NAV3: variants seen among roughly 807,000 people sequenced by gnomAD.
NAV3 encodes pore membrane and/or filament interacting like protein 1.
Under a neutral mutation model 244.7 loss-of-function variants are expected in NAV3, and 87 were observed. That is an observed-to-expected ratio of 0.36 (90% CI 0.30 to 0.42). NAV3 has a LOEUF of 0.42. Ranked by LOEUF, NAV3 falls within the 20% of genes least tolerant of loss-of-function variation. The pLI, the probability that NAV3 is intolerant of heterozygous loss-of-function variation, is 1.00. For synonymous variants in NAV3, 1,126 were observed against 1,042.2 expected (o/e 1.08, Z -1.55); for missense variants, 2,663 against 2,893.3 (o/e 0.92, Z 1.83).
At chr12:77,943,093 A>G (rs1361389787) in intron 3 of NAV3, among the ~76,000 whole-genome samples, 1 of 152,202 alleles carries the variant, frequency 6.6e-6, no homozygotes, top group Non-Finnish European at 1.5e-5. Context: ...TCCAAAGCTC[A>G]TAACAATGGT....
At chr12:78,052,946 C>A (rs1021664606) in intron 11 of NAV3, among the ~76,000 whole-genome samples, 1 of 151,918 alleles carries the variant, frequency 6.6e-6, no homozygotes. Context: ...AGGCTGGGCA[C>A]GGTGGCTCAT....
rs562996443 is a variant in NAV3 at position 77,755,786 on chromosome 12, T to G, written c.72+183520T>G. Among the ~76,000 whole-genome samples the G allele has an allele frequency of 3.3e-5, 5 of 151,396 alleles. No homozygotes were observed. In the East Asian group the frequency reaches 7.8e-4, roughly 23 times the overall value. On this transcript the variant is annotated intron_variant, in intron 2 of 8. Transcript: ENST00000550042. ...TCTTGCCTTGTCACTCAGGGTGGAG[T>G]GCAGTGGCGTGAACACAGCTCACTG...
chr12:77,787,557 C>T (rs572805838), intron 2 of NAV3, among the ~76,000 whole-genome samples: 4 of 152,068 alleles, frequency 2.6e-5, no homozygotes, highest in Admixed American at 1.3e-4. Flanking sequence ...CTTAGAAAAC[C>T]GTCAGATTTC....
intron 18 of NAV3, among the ~76,000 whole-genome samples, chr12:78,135,093 C>T (rs1469510637): frequency 2.0e-5 from 3 of 152,162 alleles, no homozygotes; most frequent in Non-Finnish European, 2.9e-5. Flanking sequence ...AGCAAAACTA[C>T]CACTAGAAGC....
chr12:78,119,425 G>A lies in NAV3; in HGVS notation c.3229G>A (p.Ala1077Thr), dbSNP rs764919029. 6.2e-7 allele frequency: 1 copy of A among 1,614,202 alleles called. No homozygotes were observed. The highest frequency in any genetic ancestry group is 1.1e-5 in the South Asian group (1 of 91,088). Residue 1077 changes from alanine to threonine, a missense_variant, in exon 15 of 40, where the codon GCC becomes ACC. By Grantham distance (58) the Ala-to-Thr change is moderately conservative. Coordinates refer to ENST00000397909, the MANE Select transcript of NAV3 (RefSeq NM_001024383.2). ...GAAACCAAGTGGAGTAGGGTCATCT[G>A]CCATGATCACCAGCAGTGGAGCAAC... ...FKKPSGVGSS[A>T]MITSSGATIT...
chr12:77,932,050 A>G (rs939166886), intron 1 of NAV3, among the ~76,000 whole-genome samples: 2 of 152,030 alleles, frequency 1.3e-5, no homozygotes, highest in African/African-American at 4.8e-5. Flanking sequence ...AGGGATGATC[A>G]TTGTTGTCAA....
rs118185619 is a variant in NAV3, at chr12:77,666,788, A to G, written c.72+94522A>G. The stretch of plus-strand genomic sequence containing the variant: ...AAGTTTTTCTTTTAAGGTTGATTTG[A>G]TTAATCATACTTCTATTGAGTATTT... On this transcript the variant is annotated intron_variant, in intron 2 of 8. Transcript: ENST00000550042. 5.3e-3 allele frequency among the ~76,000 whole-genome samples: 810 copies of G among 152,302 alleles called. 3 individuals carry two copies. Among genetic ancestry groups the G allele is most frequent in the Non-Finnish European group, 8.6e-3 (582 of 67,998 alleles).
intron 2 of NAV3, among the ~76,000 whole-genome samples, chr12:77,769,429 G>A (rs936913991): frequency 4.6e-5 from 7 of 152,302 alleles, no homozygotes; most frequent in South Asian, 2.1e-4. Flanking sequence ...TTTTCTGATA[G>A]CACAATAGTG....
chr12:77,863,594 C>T lies in NAV3; in HGVS notation c.243+31890C>T, dbSNP rs529337393. On this transcript the variant is annotated intron_variant, in intron 1 of 39. Coordinates refer to ENST00000397909, the MANE Select transcript of NAV3 (RefSeq NM_001024383.2). Reference sequence around the variant, plus strand: ...AAATTTATTGGACTGAGTCTTGACACATCTAACTGCAATTTTCTCTTTGCT... The same window carrying T: ...AAATTTATTGGACTGAGTCTTGACATATCTAACTGCAATTTTCTCTTTGCT... 2.0e-5 allele frequency among the ~76,000 whole-genome samples: 3 copies of T among 151,954 alleles called. No homozygotes were observed. The East Asian group carries it at 5.8e-4, about 29-fold the overall frequency.
intron 2 of NAV3, among the ~76,000 whole-genome samples, chr12:77,621,878 A>C (rs1871387737): frequency 6.6e-6 from 1 of 152,162 alleles, no homozygotes; most frequent in African/African-American, 2.4e-5. Flanking sequence ...TCATATAATT[A>C]ATATTTCACT....
At chr12:77,892,175 A>C (rs770250194) in intron 1 of NAV3, among the ~76,000 whole-genome samples, 5 of 152,244 alleles carry the variant, frequency 3.3e-5, no homozygotes, top group Non-Finnish European at 1.5e-5. Flanking sequence ...AAATTTATTA[A>C]TTGCTGAAAT....
At chr12:77,698,882 AG>A (rs1008897853) in intron 2 of NAV3, among the ~76,000 whole-genome samples, 77 of 152,222 alleles carry the variant, frequency 5.1e-4, no homozygotes, top group Admixed American at 5.0e-3. Context: ...TTGGAATAGC[AG>A]GGGTTTGGTT....
intron 1 of NAV3, among the ~76,000 whole-genome samples, chr12:77,939,234 C>A (rs1020990542): frequency 6.6e-6 from 1 of 152,022 alleles, no homozygotes; most frequent in African/African-American, 2.4e-5. Flanking sequence ...AGACATTCTG[C>A]CTCAATTACA....
chr12:77,904,486 G>C (rs1451312300), intron 1 of NAV3, among the ~76,000 whole-genome samples: 1 of 152,120 alleles, frequency 6.6e-6, no homozygotes, highest in Non-Finnish European at 1.5e-5. Context: ...ACACACTGGG[G>C]CCTGTCATGG....
intron 9 of NAV3, chr12:78,037,312 C>T (rs1226936738): frequency 1.4e-6 from 1 of 702,874 alleles, no homozygotes; most frequent in Admixed American, 2.0e-5. Flanking sequence ...CGGGAAGGGA[C>T]AGCTCATCTG....
At chr12:77,694,459 C>A (rs1444275858) in intron 2 of NAV3, among the ~76,000 whole-genome samples, 2 of 149,678 alleles carry the variant, frequency 1.3e-5, no homozygotes, top group South Asian at 2.1e-4. Context: ...GGCTACAGAG[C>A]AAACTCCATC....
In NAV3 at chr12:78,051,045, C is replaced by T. The variant is rs368212325; in HGVS notation, c.2414C>T (p.Ala805Val). ...NMSQIDMSEK[A>V]SSDLDMSSEV... ...TCACAGATTGACATGAGTGAGAAAG[C>T]AAGCAGTGACCTGGACATGTCTTCT... Residue 805 changes from alanine to valine, a missense_variant, in exon 11 of 40, where the codon GCA becomes GTA. By Grantham distance (64) the Ala-to-Val change is moderately conservative. Transcript: ENST00000397909. 1.4e-4 allele frequency: 229 copies of T among 1,614,020 alleles called. No homozygotes were observed. The highest frequency in any genetic ancestry group is 1.8e-4 in the Non-Finnish European group (217 of 1,180,038).
intron 2 of NAV3, among the ~76,000 whole-genome samples, chr12:77,632,694 A>G (rs552652327): frequency 6.6e-6 from 1 of 152,328 alleles, no homozygotes; most frequent in South Asian, 2.1e-4. Flanking sequence ...TAAGTCAAGG[A>G]CACAGTTCTG....
At chr12:77,598,927 T>C (rs1870296735) in intron 2 of NAV3, among the ~76,000 whole-genome samples, 1 of 152,020 alleles carries the variant, frequency 6.6e-6, no homozygotes, top group Non-Finnish European at 1.5e-5. Flanking sequence ...AGGTACTACA[T>C]TGTACAACAA....
Sources: allele counts gnomAD v4.1 joint callset (sites outside exome capture counted in the v4.1 genomes callset), GRCh38; gene constraint gnomAD v4.1.1; transcripts MANE v1.5; gene names NCBI Gene and HGNC (gene_info 2026-07-23, HGNC 2026-07-21).